Variants in EIF2AK1 observed in about 807,000 individuals in gnomAD.
EIF2AK1 encodes eukaryotic translation initiation factor 2-alpha kinase 1.
EIF2AK1 carries 54 observed loss-of-function variants against 77.9 expected under a neutral mutation model. The ratio of observed to expected loss-of-function variants is 0.69; its 90% confidence interval spans 0.56 to 0.87. The LOEUF is 0.87. EIF2AK1 is among the 40% of genes least tolerant of loss of function. The pLI is 0.00. For synonymous variants in EIF2AK1, 314 were observed against 290.5 expected, an observed-to-expected ratio of 1.08 and a Z score of -0.82; for missense variants, 810 against 768.6, an observed-to-expected ratio of 1.05 and a Z score of -0.64.
At position 6,024,156 on chromosome 7, in the gene EIF2AK1, A is replaced by T; in HGVS notation, c.*517T>A. 1 of 1,287,006 alleles carries T rather than the reference A, an allele frequency of 7.8e-7. No homozygotes were observed. Among genetic ancestry groups the T allele is most frequent in the Non-Finnish European group, 1.0e-6 (1 of 987,542 alleles). The allele number at this position is 1,287,006 out of a possible 1,614,324, so 79.7% of individuals were successfully genotyped here. ...CAGATAAAAAGGTTGGAAGTTGCAC[A>T]CTGTACACTGTTAAGAAGTTGAGCT... On this transcript the variant is annotated 3_prime_UTR_variant, in exon 15 of 15. Coordinates refer to ENST00000199389, the MANE Select transcript of EIF2AK1 (RefSeq NM_014413.4).
At position 6,024,367 on chromosome 7, in the gene EIF2AK1, T is replaced by C. The variant is rs1225083724; in HGVS notation, c.*306A>G. 11 of 1,156,178 alleles carry C rather than the reference T, an allele frequency of 9.5e-6. No homozygotes were observed. The highest frequency in any genetic ancestry group is 1.2e-5 in the Non-Finnish European group (11 of 945,160). The allele number at this position is 1,156,178 out of a possible 1,614,324, so 71.6% of individuals were successfully genotyped here. ...GACGAGGGCAGGGAGCACACATCAA[T>C]TTCTGCGGTACCTTCTAGAGGAAGA... is the stretch of plus-strand genomic sequence containing the variant. On this transcript the variant is annotated 3_prime_UTR_variant, in exon 15 of 15. Coordinates refer to ENST00000199389, the MANE Select transcript of EIF2AK1 (RefSeq NM_014413.4).
intron 1 of EIF2AK1, among the ~76,000 whole-genome samples, chr7:6,056,408 G>C (rs574227193): frequency 1.1e-4 from 17 of 148,900 alleles, no homozygotes; most frequent in African/African-American, 4.0e-4. Context: ...GCCTGGCCAA[G>C]ATGGTGAAAC....
chr7:6,058,428 G>A (rs140982020), intron 1 of EIF2AK1, among the ~76,000 whole-genome samples: 5 of 152,030 alleles, frequency 3.3e-5, no homozygotes, highest in African/African-American at 9.6e-5. Flanking sequence ...AAAAAAACTT[G>A]GGCCTTTTTA....
chr7:6,058,236 C>G, intron 1 of EIF2AK1: 1 of 434,458 alleles, frequency 2.3e-6, no homozygotes, highest in Non-Finnish European at 4.5e-6. Flanking sequence ...ACAGCAAGAC[C>G]ACATCTCTGC....
rs17136348 is a variant in EIF2AK1 at position 6,035,078 on chromosome 7, T to G, written c.1332+2346A>C. 0.065 allele frequency among the ~76,000 whole-genome samples: 9,864 copies of G among 151,900 alleles called. 615 individuals are homozygous for G. Among genetic ancestry groups the G allele is most frequent in the East Asian group, 0.35 (1,814 of 5,172 alleles). ...TGTGTGAGGTGCCAGACTGCAGAAA[T>G]CACTAAGATACAGCCTTGAAGGGAC... On this transcript the variant is annotated intron_variant, in intron 11 of 14. Transcript: ENST00000199389. This position sits in a 1 kb window ranked among gnomAD's most constrained non-coding sequence, Gnocchi z 5.5.
Position 6,041,146 on chromosome 7 carries a change from C to T in EIF2AK1, c.865G>A (p.Glu289Lys), listed in dbSNP as rs758724378. 11 of 1,613,602 alleles carry T rather than the reference C, an allele frequency of 6.8e-6. No homozygotes were observed. The South Asian group carries it at 8.8e-5, about 13-fold the overall frequency. ...GTGTCAGATTCTCCAAAGCGTTTTTCTTTTTCTGGGGTGGGCTCAGCAAAG... is the reference window on the plus strand; with the variant it reads ...GTGTCAGATTCTCCAAAGCGTTTTTTTTTTTCTGGGGTGGGCTCAGCAAAG... ...IIFAEPTPEK[E>K]KRFGESDTEN... Residue 289 changes from glutamate (E) to lysine (K), a missense_variant, in exon 9 of 15, where the codon GAA becomes AAA. By Grantham distance (56) the Glu-to-Lys change is moderately conservative (BLOSUM62 1). This residue lies in a region of EIF2AK1 where 549 missense variants were observed against 533.7 expected (regional missense o/e 1.03). Transcript: ENST00000199389.
intron 11 of EIF2AK1, chr7:6,031,462 C>A (rs1222519403): frequency 1.2e-5 from 19 of 1,550,688 alleles, no homozygotes; most frequent in Non-Finnish European, 1.6e-5. Flanking sequence ...CAGCACTTCA[C>A]TCGAAACTCT....
At chr7:6,057,116 G>A (rs1013628978) in intron 1 of EIF2AK1, among the ~76,000 whole-genome samples, 1 of 142,868 alleles carries the variant, frequency 7.0e-6, no homozygotes, top group East Asian at 2.1e-4. Flanking sequence ...AACAAAAGGA[G>A]ACCCCATCTC....
At chr7:6,039,297 G>A (rs1045335974) in intron 9 of EIF2AK1, among the ~76,000 whole-genome samples, 3 of 151,976 alleles carry the variant, frequency 2.0e-5, no homozygotes, top group African/African-American at 4.8e-5. Context: ...AGATTCAGGC[G>A]AAAGAGTTCA....
chr7:6,039,436 A>C lies in EIF2AK1; in HGVS notation c.1120-765T>G. On this transcript the variant is annotated intron_variant, in intron 9 of 14. Transcript: ENST00000199389. Reference sequence around the variant, plus strand: ...GGAGTTCAAGACCAGCCTGAACAACATGATGAAACCTCGTCTCTACTAAAA... The same window carrying C: ...GGAGTTCAAGACCAGCCTGAACAACCTGATGAAACCTCGTCTCTACTAAAA... 1.3e-5 allele frequency among the ~76,000 whole-genome samples: 2 copies of C among 151,940 alleles called. 1 individual carries two copies. The highest frequency in any genetic ancestry group is 4.8e-5 in the African/African-American group (2 of 41,362).
intron 10 of EIF2AK1, among the ~76,000 whole-genome samples, chr7:6,038,112 C>T (rs1399978777): frequency 2.0e-5 from 3 of 151,998 alleles, no homozygotes; most frequent in Admixed American, 2.0e-4. Flanking sequence ...AGAGGTTTTA[C>T]AGGACTAACA....
At position 6,026,931 on chromosome 7, in the gene EIF2AK1, G is replaced by C; in HGVS notation, c.1561C>G (p.Leu521Val). The part of the protein sequence containing the change: ...SDMYSLGVVL[L>V]ELFQPFGTEM... ...GTTCCAAACGGCTGAAAGAGCTCTAGCAGGACCACACCCAAGCTGTACATA... is the reference window on the plus strand; with the variant it reads ...GTTCCAAACGGCTGAAAGAGCTCTACCAGGACCACACCCAAGCTGTACATA... Residue 521 changes from leucine to valine, a missense_variant, in exon 14 of 15, where the codon CTA becomes GTA. By Grantham distance (32) the Leu-to-Val change is conservative. Transcript: ENST00000199389. 5 of 1,614,060 alleles carry C rather than the reference G, an allele frequency of 3.1e-6. No individual in the cohort carries two copies. Among genetic ancestry groups the C allele is most frequent in the Non-Finnish European group, 4.2e-6 (5 of 1,180,020 alleles).
At chr7:6,052,131 T>C (rs1479380131) in intron 2 of EIF2AK1, among the ~76,000 whole-genome samples, 3 of 132,926 alleles carry the variant, frequency 2.3e-5, no homozygotes, top group Non-Finnish European at 3.0e-5. Context: ...GAGATCGCAC[T>C]ACCGCACTCC....
At chr7:6,049,836 C>A in intron 3 of EIF2AK1, 76 bp downstream of exon 3, 1 of 1,387,694 alleles carries the variant, frequency 7.2e-7, no homozygotes, top group Non-Finnish European at 9.9e-7. Context: ...CAGAATTTCA[C>A]AGTGCTTTAA....
chr7:6,039,864 G>A (rs1013540550), intron 9 of EIF2AK1, among the ~76,000 whole-genome samples: 1 of 151,814 alleles, frequency 6.6e-6, no homozygotes, highest in Non-Finnish European at 1.5e-5. Flanking sequence ...TTGAATCCAG[G>A]AGGCAGAGGT....
In EIF2AK1 at chr7:6,024,569, C is replaced by G; in HGVS notation, c.*104G>C. The stretch of plus-strand genomic sequence containing the variant: ...GGGCACTCTGACATCTTTAACAAGT[C>G]TTGTAAAGGCTTACTAAATACAACG... On this transcript the variant is annotated 3_prime_UTR_variant, in exon 15 of 15. Transcript: ENST00000199389. 6.4e-7 allele frequency: 1 copy of G among 1,553,394 alleles called. No homozygotes were observed. Among genetic ancestry groups the G allele is most frequent in the Non-Finnish European group, 8.7e-7 (1 of 1,155,546 alleles).
chr7:6,030,864 T>G (rs1359516161), intron 11 of EIF2AK1, among the ~76,000 whole-genome samples: 2 of 152,088 alleles, frequency 1.3e-5, no homozygotes, highest in Admixed American at 1.3e-4. Flanking sequence ...AACTAATAGA[T>G]CACACTAAAT....
At position 6,023,491 on chromosome 7, in the gene EIF2AK1, G is replaced by A. The variant is rs750657628; in HGVS notation, c.*1182C>T. 6.2e-7 allele frequency: 1 copy of A among 1,614,166 alleles called. No individual in the cohort carries two copies. Among genetic ancestry groups the A allele is most frequent in the East Asian group, 2.2e-5 (1 of 44,884 alleles). ...GGGAAGCAGTAAAGAAAAAGCCGCTGTTTTCCGCTCCATGAACTCTGCTCT... is the reference window on the plus strand; with the variant it reads ...GGGAAGCAGTAAAGAAAAAGCCGCTATTTTCCGCTCCATGAACTCTGCTCT... On this transcript the variant is annotated 3_prime_UTR_variant, in exon 15 of 15. Coordinates refer to ENST00000199389, the MANE Select transcript of EIF2AK1 (RefSeq NM_014413.4).
chr7:6,037,610 T>C, intron 10 of EIF2AK1, 86 bp from the exon 11 acceptor site: 1 of 801,414 alleles, frequency 1.2e-6, no homozygotes, highest in Non-Finnish European at 2.1e-6. Flanking sequence ...TCTAAATACA[T>C]TAACATCTGA....
Sources: gnomAD v4.1 joint callset for allele counts (sites outside exome capture counted in the v4.1 genomes callset) on GRCh38, gnomAD v4.1.1 for gene constraint, gnomAD v4.1.1 regional missense constraint, Gnocchi (gnomAD v3.1) non-coding constraint, MANE v1.5 for transcripts, NCBI Gene and HGNC (gene_info 2026-07-23, HGNC 2026-07-21) for gene names.